Variants in TBL1XR1 observed in about 807,000 individuals in gnomAD.
TBL1XR1 encodes the protein TBL1X/Y related 1, also known as F-box-like/WD repeat-containing protein TBL1XR1.
TBL1XR1 carries 5 observed loss-of-function variants against 66.9 expected under a neutral mutation model. The observed-to-expected ratio is 0.07, with a 90% CI of 0.04 to 0.16. The LOEUF is 0.16. Among genes scored for constraint, TBL1XR1 ranks in the 10% least tolerant of loss-of-function variants. The probability of loss-of-function intolerance (pLI) is 1.00; values close to 1 mark genes in which losing one functional copy is unlikely to be tolerated. For missense variants in TBL1XR1, 238 were observed against 623.2 expected, an observed-to-expected ratio of 0.38 and a Z score of 6.58; for synonymous variants, 210 against 206.0, an observed-to-expected ratio of 1.02 and a Z score of -0.17.
intron 1 of TBL1XR1, among the ~76,000 whole-genome samples, chr3:177,176,725 A>C (rs1216465922): frequency 6.6e-6 from 1 of 151,962 alleles, no homozygotes; most frequent in African/African-American, 2.4e-5. Flanking sequence ...TGAGGCAGCA[A>C]AGTCACTTGA....
At chr3:177,137,646 C>G (rs1028640287) in intron 1 of TBL1XR1, among the ~76,000 whole-genome samples, 1 of 152,044 alleles carries the variant, frequency 6.6e-6, no homozygotes, top group East Asian at 1.9e-4. Flanking sequence ...CAAGGCCCCA[C>G]GCAAAATGAA....
At chr3:177,149,980 AAT>A (rs1372969851) in intron 1 of TBL1XR1, among the ~76,000 whole-genome samples, 1 of 152,222 alleles carries the variant, frequency 6.6e-6, no homozygotes, top group African/African-American at 2.4e-5. Flanking sequence ...AGTGGGTATT[AAT>A]ATATTTGTTA....
chr3:177,101,319 C>G (rs1229005401), intron 1 of TBL1XR1, among the ~76,000 whole-genome samples: 2 of 151,726 alleles, frequency 1.3e-5, no homozygotes, highest in African/African-American at 2.4e-5. Context: ...AAGTCATGAG[C>G]CTGTTTTGGT....
intron 2 of TBL1XR1, among the ~76,000 whole-genome samples, chr3:177,089,329 A>G (rs996113706): frequency 1.3e-5 from 2 of 152,126 alleles, no homozygotes; most frequent in Non-Finnish European, 1.5e-5. Flanking sequence ...GAGGCCAAAC[A>G]GCAGGTCAGG....
intron 1 of TBL1XR1, among the ~76,000 whole-genome samples, chr3:177,167,525 C>A (rs1278932572): frequency 6.6e-6 from 1 of 152,232 alleles, no homozygotes; most frequent in Non-Finnish European, 1.5e-5. Flanking sequence ...CTGTAACCAA[C>A]GTACCACTCT....
At chr3:177,144,927 T>C (rs995564470) in intron 1 of TBL1XR1, among the ~76,000 whole-genome samples, 1 of 152,224 alleles carries the variant, frequency 6.6e-6, no homozygotes, top group Non-Finnish European at 1.5e-5. Flanking sequence ...TTTTAAATTA[T>C]GGAAAACATT....
intron 2 of TBL1XR1, among the ~76,000 whole-genome samples, chr3:177,075,357 A>C (rs1466743433): frequency 6.6e-6 from 1 of 152,244 alleles, no homozygotes; most frequent in Admixed American, 6.5e-5. Context: ...GTCATACTGG[A>C]ATAGGGCCCA....
chr3:177,171,117 G>T (rs1297651981), intron 1 of TBL1XR1, among the ~76,000 whole-genome samples: 4 of 152,004 alleles, frequency 2.6e-5, no homozygotes, highest in Admixed American at 2.6e-4. Flanking sequence ...GAGGCGAGCG[G>T]ATCACCTGAG....
At chr3:177,201,206 T>C (rs968933375), upstream of TBL1XR1, among the ~76,000 whole-genome samples, 3 of 150,500 alleles carry the variant, frequency 2.0e-5, no homozygotes, top group Non-Finnish European at 4.4e-5. Flanking sequence ...AGGTCGGGAG[T>C]TCGAGACCAG....
chr3:177,173,435 T>A (rs989999095), intron 1 of TBL1XR1, among the ~76,000 whole-genome samples: 1 of 152,148 alleles, frequency 6.6e-6, no homozygotes, highest in Non-Finnish European at 1.5e-5. Context: ...TCACCAAGAT[T>A]AAAATATACC....
At chr3:177,194,896 G>A (rs545228285) in intron 1 of TBL1XR1, among the ~76,000 whole-genome samples, 1 of 152,126 alleles carries the variant, frequency 6.6e-6, no homozygotes, top group African/African-American at 2.4e-5. Context: ...CTCTGCAAGG[G>A]GTCACTCCAT....
At chr3:177,189,100 C>T (rs996095994) in intron 1 of TBL1XR1, among the ~76,000 whole-genome samples, 5 of 151,490 alleles carry the variant, frequency 3.3e-5, no homozygotes, top group African/African-American at 1.2e-4. Flanking sequence ...CCCAGCTACT[C>T]AGGAGGCTGA....
chr3:177,192,092 CAAAA>C (rs34461843), intron 1 of TBL1XR1, among the ~76,000 whole-genome samples: 2 of 64,574 alleles, frequency 3.1e-5, no homozygotes. Context: ...GACTCTGTCT[CAAAA>C]AAAAAAAAAA....
rs199681840 is a variant in TBL1XR1, at chr3:177,158,309, C to T, written c.-122+38812G>A. Among the ~76,000 whole-genome samples the T allele has an allele frequency of 2.0e-5, 3 of 151,242 alleles. No individual in the cohort carries two copies. In the East Asian group the frequency reaches 5.8e-4, roughly 29 times the overall value. Reference sequence around the variant, plus strand: ...GTGGCACAATCTTGGCTCACTGCAACCTCTACCCTCCTGGGTTCAAGCCAT... The same window carrying T: ...GTGGCACAATCTTGGCTCACTGCAATCTCTACCCTCCTGGGTTCAAGCCAT... On this transcript the variant is annotated intron_variant, in intron 1 of 15. Transcript: ENST00000457928.
At chr3:177,188,673 A>G (rs983833992) in intron 1 of TBL1XR1, among the ~76,000 whole-genome samples, 10 of 152,170 alleles carry the variant, frequency 6.6e-5, no homozygotes, top group Non-Finnish European at 1.3e-4. Flanking sequence ...GGCAAACTTC[A>G]CAGTTTAAAT....
chr3:177,071,196 AATTTTTTGT>A (rs1379012270), intron 2 of TBL1XR1, among the ~76,000 whole-genome samples: 7 of 151,890 alleles, frequency 4.6e-5, no homozygotes, highest in African/African-American at 1.7e-4. Flanking sequence ...GTGCCCGGCT[AATTTTTTGT>A]ATTTTCAGTA....
At chr3:177,183,693 G>GAC (rs1042819701) in intron 1 of TBL1XR1, among the ~76,000 whole-genome samples, 1 of 151,944 alleles carries the variant, frequency 6.6e-6, no homozygotes, top group African/African-American at 2.4e-5. Context: ...TCAAACTCCT[G>GAC]ACCTCAGGTG....
rs150885515 is a variant in TBL1XR1, at chr3:177,118,789, C to T, written c.-121-20248G>A. Among the ~76,000 whole-genome samples, 582 of 151,366 alleles carry T rather than the reference C, an allele frequency of 3.8e-3. 3 individuals are homozygous for T. Among genetic ancestry groups the T allele is most frequent in the Middle Eastern group, 0.014 (4 of 294 alleles). On this transcript the variant is annotated intron_variant, in intron 1 of 15. Coordinates refer to ENST00000457928, the MANE Select transcript of TBL1XR1 (RefSeq NM_024665.7). ...ATACATTATAATATATGGCAAGTGT[C>T]GTATTTTGTCAGTTTCTCAAACTGA...
In TBL1XR1 at chr3:177,185,633, C is replaced by A. The variant is rs145413827; in HGVS notation, c.-122+11488G>T. The stretch of plus-strand genomic sequence containing the variant: ...AAAAAAAAAAACCAGTATTTTCTGA[C>A]CCTTTGTCTTTTCATTTAAAAGTAT... On this transcript the variant is annotated intron_variant, in intron 1 of 15. Coordinates refer to ENST00000457928, the MANE Select transcript of TBL1XR1 (RefSeq NM_024665.7). Among the ~76,000 whole-genome samples the A allele has an allele frequency of 2.9e-3, 441 of 151,374 alleles. 3 individuals are homozygous for A. The highest frequency in any genetic ancestry group is 9.9e-3 in the African/African-American group (407 of 41,276).
Sources: gnomAD v4.1 joint callset for allele counts (sites outside exome capture counted in the v4.1 genomes callset) on GRCh38, gnomAD v4.1.1 for gene constraint, MANE v1.5 for transcripts, NCBI Gene and HGNC (gene_info 2026-07-23, HGNC 2026-07-21) for gene names.